Variants in NINL observed in about 807,000 individuals in gnomAD.
NINL encodes the protein ninein-like protein.
A neutral mutation model predicts 160.3 loss-of-function variants in NINL; 153 were observed. The ratio of observed to expected loss-of-function variants is 0.95; its 90% confidence interval spans 0.84 to 1.09. The LOEUF is 1.09. Among genes scored for constraint, NINL ranks in the 50% least tolerant of loss-of-function variants. The pLI, the probability that NINL is intolerant of heterozygous loss-of-function variation, is 0.00. For synonymous variants in NINL, 800 were observed against 734.8 expected, an observed-to-expected ratio of 1.09 and a Z score of -1.43; for missense variants, 1,829 against 1,764.0, an observed-to-expected ratio of 1.04 and a Z score of -0.66.
intron 3 of NINL, among the ~76,000 whole-genome samples, chr20:25,517,390 C>T (rs1297108858): frequency 6.6e-6 from 1 of 152,210 alleles, no homozygotes; most frequent in Admixed American, 6.5e-5. Flanking sequence ...TGTTACCATC[C>T]CAGCACCTTG....
intron 1 of NINL, among the ~76,000 whole-genome samples, chr20:25,527,088 A>G (rs911004827): frequency 2.6e-5 from 4 of 152,224 alleles, no homozygotes; most frequent in Non-Finnish European, 4.4e-5. Context: ...AAAGAAAACT[A>G]AAACCATCAA....
intron 9 of NINL, among the ~76,000 whole-genome samples, chr20:25,497,795 C>T (rs545508562): frequency 6.6e-6 from 1 of 152,328 alleles, no homozygotes; most frequent in South Asian, 2.1e-4. Context: ...GCGCCTGCAC[C>T]AGCATGAGGG....
chr20:25,481,871 T>C (rs1273638504), intron 14 of NINL, 97 bp downstream of exon 14: 7 of 1,495,470 alleles, frequency 4.7e-6, no homozygotes, highest in Non-Finnish European at 6.3e-6. Context: ...CACAGCAACA[T>C]CATCATCTTC....
rs769735134 is a variant in NINL, at chr20:25,476,129, C to T, written c.3162G>A (p.Glu1054=). 11 of 1,613,686 alleles carry T rather than the reference C, an allele frequency of 6.8e-6. No individual in the cohort carries two copies. In the East Asian group the frequency reaches 2.0e-4, roughly 29 times the overall value. ...EGETKIALER[E]KDDMETKLLH... ...GAAGTTTGGTTTCCATGTCATCCTTCTCTCTCTCCAGCGCTATTTTGGTCT... is the reference window on the plus strand; with the variant it reads ...GAAGTTTGGTTTCCATGTCATCCTTTTCTCTCTCCAGCGCTATTTTGGTCT... The change falls in exon 17 of 24, where the codon GAG becomes GAA. Residue 1054 remains glutamate, a synonymous_variant. Coordinates refer to ENST00000278886, the MANE Select transcript of NINL (RefSeq NM_025176.6).
At chr20:25,567,625 T>C (rs1169343683) in intron 1 of NINL, among the ~76,000 whole-genome samples, 1 of 152,144 alleles carries the variant, frequency 6.6e-6, no homozygotes, top group Non-Finnish European at 1.5e-5. Flanking sequence ...AGTTAAGTAT[T>C]ACATCAGACT....
intron 13 of NINL, among the ~76,000 whole-genome samples, chr20:25,488,256 C>T (rs968274698): frequency 4.6e-5 from 7 of 152,132 alleles, no homozygotes; most frequent in Non-Finnish European, 1.0e-4. Flanking sequence ...GATGGAGTCT[C>T]GCTCTGTGGC....
intron 10 of NINL, among the ~76,000 whole-genome samples, chr20:25,493,858 G>C (rs377578924): frequency 6.6e-6 from 1 of 152,104 alleles, no homozygotes; most frequent in Non-Finnish European, 1.5e-5. Flanking sequence ...TGGAGGGCAA[G>C]GGCCCCAGCC....
In NINL at chr20:25,517,752, C is replaced by T; in HGVS notation, c.277+1G>A. The T allele has an allele frequency of 6.3e-7, 1 of 1,591,370 alleles. No individual in the cohort carries two copies. The highest frequency in any genetic ancestry group is 1.1e-5 in the South Asian group (1 of 87,226). ...AGAAAACACAGAGGAAATCCTCTTA[C>T]CTGATTCCAAAGAACTACTGTCTTC... is the stretch of plus-strand genomic sequence containing the variant. On this transcript the variant is annotated splice_donor_variant, in intron 3 of 23. Transcript: ENST00000278886. LOFTEE classifies it high-confidence loss of function.
Position 25,476,685 on chromosome 20 carries a change from G to A in NINL, c.2606C>T (p.Ser869Phe), listed in dbSNP as rs6138582. The change falls in exon 17 of 24, where the codon TCT (serine) becomes TTT (phenylalanine). Residue 869 changes from serine (S) to phenylalanine (F), a missense_variant. Ser to Phe is a radical substitution (Grantham distance 155). Coordinates refer to ENST00000278886, the MANE Select transcript of NINL (RefSeq NM_025176.6). Reference sequence around the variant, plus strand: ...AGGCCCGGCTCCTGCCGCCTCCTCAGACTCTCTGCCATCACCTGGGGCCAG... The same window carrying A: ...AGGCCCGGCTCCTGCCGCCTCCTCAAACTCTCTGCCATCACCTGGGGCCAG... ...AWLAPGDGRESEEAAGAGPRR... is the reference protein window; with the variant it reads ...AWLAPGDGREFEEAAGAGPRR... 8.2e-6 allele frequency: 13 copies of A among 1,593,558 alleles called. No homozygotes were observed. In the East Asian group the frequency reaches 2.7e-4, roughly 33 times the overall value.
Position 25,458,493 on chromosome 20 carries a change from C to T in NINL, c.3733G>A (p.Ala1245Thr). 1.2e-6 allele frequency: 2 copies of T among 1,601,052 alleles called. No homozygotes were observed. The highest frequency in any genetic ancestry group is 2.7e-5 in the African/African-American group (2 of 75,012). Reference protein sequence around the residue: ...GAHLRLRQAQAQHLQEVRLVP... With the variant: ...GAHLRLRQAQTQHLQEVRLVP... ...AGCCGGACCTCCTGCAAGTGCTGGG[C>T]CTGGGCCTGCCTCAGCCTCAGGTGA... The change falls in exon 22 of 24, where the codon GCC (alanine) becomes ACC (threonine). Residue 1245 changes from alanine to threonine, a missense_variant. Ala to Thr is a moderately conservative substitution (Grantham distance 58). Coordinates refer to ENST00000278886, the MANE Select transcript of NINL (RefSeq NM_025176.6).
chr20:25,494,846 C>T (rs2146724628), intron 10 of NINL, among the ~76,000 whole-genome samples: 1 of 152,352 alleles, frequency 6.6e-6, no homozygotes, highest in African/African-American at 2.4e-5. Flanking sequence ...TGCCCTCATG[C>T]TTCTCCCACC....
chr20:25,479,519 C>T (rs752462508), intron 15 of NINL, among the ~76,000 whole-genome samples: 2 of 152,154 alleles, frequency 1.3e-5, no homozygotes, highest in South Asian at 2.1e-4. Flanking sequence ...TACAGGACCT[C>T]GGGGTGGCTC....
At chr20:25,562,085 C>T (rs1432705049) in intron 1 of NINL, among the ~76,000 whole-genome samples, 2 of 138,370 alleles carry the variant, frequency 1.4e-5, no homozygotes, top group African/African-American at 2.8e-5. Flanking sequence ...GGGGGGTCAG[C>T]CCCCCGCCCA....
chr20:25,467,747 C>T (rs188758497), intron 18 of NINL, among the ~76,000 whole-genome samples: 136 of 152,300 alleles, frequency 8.9e-4, no homozygotes, highest in African/African-American at 3.1e-3. Flanking sequence ...ACTGTAAGAA[C>T]GCACACCCTG....
intron 16 of NINL, among the ~76,000 whole-genome samples, chr20:25,478,302 C>T (rs566481488): frequency 6.6e-6 from 1 of 152,230 alleles, no homozygotes; most frequent in Admixed American, 6.5e-5. Context: ...GGTGGGAGGG[C>T]CCGTCCTCTT....
At chr20:25,457,634 T>C (rs1340439466) in intron 22 of NINL, among the ~76,000 whole-genome samples, 1 of 152,224 alleles carries the variant, frequency 6.6e-6, no homozygotes, top group Non-Finnish European at 1.5e-5. Context: ...ACTTTTCAAG[T>C]CGTGCGCCAA....
At chr20:25,537,440 TAAA>T in intron 1 of NINL, among the ~76,000 whole-genome samples, 2 of 152,338 alleles carry the variant, frequency 1.3e-5, no homozygotes, top group East Asian at 3.9e-4. Flanking sequence ...AAAACTGATG[TAAA>T]TCCAATGGGT....
intron 1 of NINL, among the ~76,000 whole-genome samples, chr20:25,561,936 C>T (rs1246529354): frequency 8.7e-5 from 13 of 150,010 alleles, no homozygotes; most frequent in South Asian, 2.1e-4. Context: ...CCGCCCCGTC[C>T]GGGAGGGAGG....
chr20:25,506,388 C>T (rs948676788), intron 5 of NINL, among the ~76,000 whole-genome samples: 1 of 152,360 alleles, frequency 6.6e-6, no homozygotes, highest in Admixed American at 6.5e-5. Flanking sequence ...CCCACAGCAC[C>T]TGCTGCTCAG....
Sources: gnomAD v4.1 joint callset for allele counts (sites outside exome capture counted in the v4.1 genomes callset) on GRCh38, gnomAD v4.1.1 for gene constraint, MANE v1.5 for transcripts, NCBI Gene and HGNC (gene_info 2026-07-23, HGNC 2026-07-21) for gene names.